The following INPP4B variants were observed in gnomAD, a reference collection of about 807,000 sequenced individuals.
INPP4B encodes the protein inositol polyphosphate 4-phosphatase type II.
A neutral mutation model predicts 122.5 loss-of-function variants in INPP4B; 55 were observed. The observed-to-expected ratio is 0.45, with a 90% CI of 0.36 to 0.56. The LOEUF (loss-of-function observed/expected upper bound fraction) is 0.56. Among genes scored for constraint, INPP4B ranks in the 20% least tolerant of loss-of-function variants. INPP4B has a pLI of 0.00. For missense variants in INPP4B, 1,000 were observed against 1,097.7 expected (o/e 0.91, Z 1.26); for synonymous variants, 403 against 388.7 (o/e 1.04, Z -0.43).
intron 25 of INPP4B, among the ~76,000 whole-genome samples, chr4:142,041,650 C>T (rs1454860292): frequency 6.6e-6 from 1 of 151,930 alleles, no homozygotes; most frequent in Non-Finnish European, 1.5e-5. Context: ...TAATAATATC[C>T]CTTTTGTTTC....
chr4:142,068,947 T>A (rs1483250180), intron 25 of INPP4B, among the ~76,000 whole-genome samples: 1 of 152,154 alleles, frequency 6.6e-6, no homozygotes. Flanking sequence ...AACAAGGATA[T>A]CCAGGAATTG....
intron 2 of INPP4B, among the ~76,000 whole-genome samples, chr4:142,647,683 C>T (rs774090257): frequency 3.9e-5 from 6 of 152,208 alleles, no homozygotes; most frequent in Admixed American, 6.5e-5. Context: ...AACATTGAAA[C>T]GGATCTGAAT....
At chr4:142,418,731 G>C (rs1343880012) in intron 5 of INPP4B, among the ~76,000 whole-genome samples, 6 of 152,120 alleles carry the variant, frequency 3.9e-5, no homozygotes, top group African/African-American at 1.4e-4. Context: ...ACAAGGTAAG[G>C]TGAGAATGGC....
At chr4:142,693,817 G>A (rs146418954) in intron 2 of INPP4B, among the ~76,000 whole-genome samples, 106 of 152,190 alleles carry the variant, frequency 7.0e-4, no homozygotes, top group African/African-American at 2.5e-3. Context: ...ATTTAAGGTT[G>A]CCTAGCTAAC....
intron 1 of INPP4B, among the ~76,000 whole-genome samples, chr4:142,741,788 T>A (rs1290655646): frequency 6.6e-6 from 1 of 151,830 alleles, no homozygotes; most frequent in East Asian, 1.9e-4. Context: ...GAAGTTCTAA[T>A]TTGTGACCAG....
chr4:142,205,001 G>GAC (rs1842087246), intron 14 of INPP4B, among the ~76,000 whole-genome samples: 1 of 151,914 alleles, frequency 6.6e-6, no homozygotes. Flanking sequence ...TAAACACACA[G>GAC]ACACACACAC....
chr4:142,086,854 G>A (rs140100232), intron 23 of INPP4B, among the ~76,000 whole-genome samples: 4 of 152,282 alleles, frequency 2.6e-5, no homozygotes, highest in African/African-American at 9.6e-5. Context: ...GTTGGCTTCT[G>A]TCTCACTTTA....
intron 1 of INPP4B, among the ~76,000 whole-genome samples, chr4:142,794,575 G>T (rs1248480976): frequency 1.3e-5 from 2 of 151,902 alleles, no homozygotes; most frequent in African/African-American, 2.4e-5. Context: ...GGTAAAGAAT[G>T]ATTTCTTAAA....
chr4:142,736,706 G>A (rs530808337), intron 1 of INPP4B, among the ~76,000 whole-genome samples: 3 of 152,228 alleles, frequency 2.0e-5, no homozygotes, highest in Admixed American at 6.5e-5. Flanking sequence ...GGGCTGAGAC[G>A]ATGCGGTTTT....
rs148344044 is a variant in INPP4B at position 142,589,902 on chromosome 4, C to CA, written c.-190-127177dup. 6.1e-3 allele frequency among the ~76,000 whole-genome samples: 929 copies of CA among 152,036 alleles called. 16 individuals carry two copies. Among genetic ancestry groups the CA allele is most frequent in the African/African-American group, 0.021 (891 of 41,504 alleles). The stretch of plus-strand genomic sequence containing the variant: ...GACCTTTGATAGAAAAACAGAAAAA[C>CA]AAACACTGGTACATCTATGAAATAT... On this transcript the variant is annotated intron_variant, in intron 2 of 25. Coordinates refer to ENST00000262992, the MANE Select transcript of INPP4B (RefSeq NM_001101669.3).
intron 17 of INPP4B, among the ~76,000 whole-genome samples, chr4:142,146,777 C>T (rs1415864470): frequency 6.6e-6 from 1 of 152,106 alleles, no homozygotes; most frequent in African/African-American, 2.4e-5. Flanking sequence ...ACCATACTGT[C>T]TTAGAACCTC....
intron 11 of INPP4B, among the ~76,000 whole-genome samples, chr4:142,242,561 T>C (rs1418452846): frequency 1.3e-5 from 2 of 152,204 alleles, no homozygotes; most frequent in African/African-American, 4.8e-5. Context: ...AGCTAGCTTC[T>C]ATTTCATGCT....
chr4:142,429,784 T>C (rs1038272549), intron 4 of INPP4B, among the ~76,000 whole-genome samples: 1 of 152,056 alleles, frequency 6.6e-6, no homozygotes, highest in African/African-American at 2.4e-5. Flanking sequence ...GATGGCTAAA[T>C]AATTTAAGAT....
chr4:142,537,740 AGTGTGTGTGTGTGTGT>A (rs72363974), intron 2 of INPP4B, among the ~76,000 whole-genome samples: 32,777 of 146,826 alleles, frequency 0.22, 4,723 homozygotes, highest in East Asian at 0.77. Context: ...TGTGTATATG[AGTGTGTGTGTGTGTGT>A]GTGTGTGTGT....
chr4:142,720,791 C>CTATATATA (rs1479748410), intron 2 of INPP4B, among the ~76,000 whole-genome samples: 1 of 39,542 alleles, frequency 2.5e-5, no homozygotes, highest in African/African-American at 7.9e-5. Flanking sequence ...CTCTCTCTCT[C>CTATATATA]TCTCTCTCTC....
At chr4:142,264,944 T>C (rs552799555) in intron 10 of INPP4B, among the ~76,000 whole-genome samples, 2 of 151,166 alleles carry the variant, frequency 1.3e-5, no homozygotes, top group Admixed American at 6.6e-5. Context: ...CTCCCTTCCT[T>C]TCTCCTTTCC....
intron 5 of INPP4B, among the ~76,000 whole-genome samples, chr4:142,412,271 A>C (rs1222261841): frequency 4.6e-5 from 7 of 152,194 alleles, no homozygotes; most frequent in Admixed American, 3.9e-4. Context: ...GCACTTAAAA[A>C]GCCTAATAGC....
chr4:142,134,148 T>G (rs886648369), intron 18 of INPP4B, among the ~76,000 whole-genome samples: 1 of 152,210 alleles, frequency 6.6e-6, no homozygotes. Flanking sequence ...TAAAATATGT[T>G]GAATGACTGA....
intron 2 of INPP4B, among the ~76,000 whole-genome samples, chr4:142,651,410 C>A (rs1752934943): frequency 6.6e-6 from 1 of 151,902 alleles, no homozygotes; most frequent in African/African-American, 2.4e-5. Flanking sequence ...AAAAATTCTT[C>A]AAAAAATAAA....
Sources: gnomAD v4.1 joint callset for allele counts (sites outside exome capture counted in the v4.1 genomes callset) on GRCh38, gnomAD v4.1.1 for gene constraint, MANE v1.5 for transcripts, NCBI Gene and HGNC (gene_info 2026-07-23, HGNC 2026-07-21) for gene names.